Variants in FIP1L1 observed in about 807,000 individuals in gnomAD.
FIP1L1 encodes the protein factor interacting with PAPOLA and CPSF1, also known as pre-mRNA 3'-end-processing factor FIP1.
Under a neutral mutation model 84.6 loss-of-function variants are expected in FIP1L1, and 21 were observed. The ratio of observed to expected loss-of-function variants is 0.25; its 90% CI spans 0.18 to 0.36. The LOEUF is 0.36. Ranked by LOEUF, FIP1L1 falls within the 10% of genes least tolerant of loss-of-function variation. The probability of loss-of-function intolerance (pLI) is 1.00; values close to 1 mark genes in which losing one functional copy is unlikely to be tolerated. For missense variants in FIP1L1, 526 were observed against 751.1 expected (o/e 0.70, Z 3.50); for synonymous variants, 263 against 242.3 (o/e 1.09, Z -0.80).
chr4:53,396,693 C>T (rs900319618), intron 9 of FIP1L1, among the ~76,000 whole-genome samples: 1 of 152,196 alleles, frequency 6.6e-6, no homozygotes, highest in African/African-American at 2.4e-5. Flanking sequence ...CTTGAGCCAC[C>T]ACGCCCAGCC....
chr4:53,398,144 A>G (rs549078188), intron 9 of FIP1L1, among the ~76,000 whole-genome samples: 9 of 152,068 alleles, frequency 5.9e-5, no homozygotes, highest in East Asian at 1.9e-4. Context: ...TTGTGTTTCT[A>G]TCAGCTTCTG....
At chr4:53,445,231 C>G (rs1175380808) in intron 15 of FIP1L1, among the ~76,000 whole-genome samples, 2 of 152,138 alleles carry the variant, frequency 1.3e-5, no homozygotes, top group Non-Finnish European at 2.9e-5. Flanking sequence ...GCTACATTTA[C>G]ATTTGAAAAA....
At chr4:53,458,024 A>G (rs1190038897) in intron 16 of FIP1L1, among the ~76,000 whole-genome samples, 2 of 152,160 alleles carry the variant, frequency 1.3e-5, no homozygotes, top group Non-Finnish European at 2.9e-5. Flanking sequence ...GCCCACACAG[A>G]TGTAATTAGG....
chr4:53,418,585 T>C (rs532366844), intron 11 of FIP1L1, among the ~76,000 whole-genome samples: 70 of 152,218 alleles, frequency 4.6e-4, no homozygotes, highest in Non-Finnish European at 6.9e-4. Context: ...GTAATATGGA[T>C]GATTGCTGTA....
chr4:53,449,177 T>C (rs1775421687), intron 15 of FIP1L1, among the ~76,000 whole-genome samples: 1 of 152,036 alleles, frequency 6.6e-6, no homozygotes, highest in African/African-American at 2.4e-5. Flanking sequence ...AACAACATTA[T>C]AATGTCGAAG....
chr4:53,410,105 C>A (rs1756371883), intron 10 of FIP1L1, among the ~76,000 whole-genome samples: 1 of 152,220 alleles, frequency 6.6e-6, no homozygotes, highest in Non-Finnish European at 1.5e-5. Context: ...GAGCTGTAGA[C>A]CGGAGTTGTT....
At chr4:53,424,639 T>C (rs1048614407) in intron 11 of FIP1L1, among the ~76,000 whole-genome samples, 2 of 152,122 alleles carry the variant, frequency 1.3e-5, no homozygotes, top group Non-Finnish European at 2.9e-5. Flanking sequence ...GATGTGCTTT[T>C]TATAGGGCTG....
intron 9 of FIP1L1, among the ~76,000 whole-genome samples, chr4:53,395,432 G>A (rs938791219): frequency 2.6e-5 from 4 of 151,900 alleles, no homozygotes; most frequent in Admixed American, 2.6e-4. Context: ...CCTCCTTCCC[G>A]GTTTTTAATT....
chr4:53,459,620 A>C lies in FIP1L1; in HGVS notation c.*171A>C. The C allele has an allele frequency of 2.2e-6, 2 of 916,412 alleles. No homozygotes were observed. The highest frequency in any genetic ancestry group is 3.3e-6 in the Non-Finnish European group (2 of 599,304). 56.8% of individuals were successfully genotyped at this position (916,412 alleles called of 1,614,324 possible). A position where few individuals can be genotyped will look rare whatever the true frequency, so the allele number is the denominator to read the frequency against. On this transcript the variant is annotated 3_prime_UTR_variant, in exon 18 of 18. Coordinates refer to ENST00000337488, the MANE Select transcript of FIP1L1 (RefSeq NM_030917.4). Reference sequence around the variant, plus strand: ...AGTGAATTTTTCATGTTAAGTTAAAAATCTTTGTCTTGTACTATTTCAAAA... The same window carrying C: ...AGTGAATTTTTCATGTTAAGTTAAACATCTTTGTCTTGTACTATTTCAAAA...
At chr4:53,404,363 A>T (rs1752017907) in intron 10 of FIP1L1, among the ~76,000 whole-genome samples, 1 of 152,038 alleles carries the variant, frequency 6.6e-6, no homozygotes. Context: ...ATGGCTGCAT[A>T]GTATTCCATG....
At chr4:53,449,057 C>A (rs1775362789) in intron 15 of FIP1L1, among the ~76,000 whole-genome samples, 1 of 151,922 alleles carries the variant, frequency 6.6e-6, no homozygotes, top group South Asian at 2.1e-4. Context: ...CAGATAATGA[C>A]AGTTTTGCTC....
rs1750615797 is a variant in FIP1L1, at chr4:53,402,208, C to G, written c.815+2369C>G. On this transcript the variant is annotated intron_variant, in intron 10 of 17. Transcript: ENST00000337488. ...ATTGATGGTCATTGGTGATCCTGAC[C>G]AGGATCATTTTCATTTGTATAAAAT... is the stretch of plus-strand genomic sequence containing the variant. 2.6e-5 allele frequency among the ~76,000 whole-genome samples: 4 copies of G among 151,976 alleles called. 1 individual carries two copies. The South Asian group carries it at 8.3e-4, about 32-fold the overall frequency.
chr4:53,411,177 C>T (rs1757044855), intron 10 of FIP1L1, among the ~76,000 whole-genome samples: 1 of 151,972 alleles, frequency 6.6e-6, no homozygotes, highest in Non-Finnish European at 1.5e-5. Context: ...GGTACATGAG[C>T]ATTTACTTGA....
chr4:53,459,514 CT>C lies in FIP1L1; in HGVS notation c.*66del. The C allele has an allele frequency of 6.2e-7, 1 of 1,602,114 alleles. No homozygotes were observed. The highest frequency in any genetic ancestry group is 8.5e-7 in the Non-Finnish European group (1 of 1,172,024). On this transcript the variant is annotated 3_prime_UTR_variant, in exon 18 of 18. Transcript: ENST00000337488. ...AGATACTATAAATCTTGTTATTTTT[CT>C]GGATAATGTTTAAGAAATTTACCTT... is the stretch of plus-strand genomic sequence containing the variant.
At chr4:53,459,128 C>A (rs1721077057) in intron 17 of FIP1L1, among the ~76,000 whole-genome samples, 174 bp from the exon 18 acceptor site, 1 of 152,108 alleles carries the variant, frequency 6.6e-6, no homozygotes, top group Middle Eastern at 3.4e-3. Flanking sequence ...TAAATACAAT[C>A]CCTGCATAAA....
At chr4:53,455,488 T>C (rs545857744) in intron 16 of FIP1L1, among the ~76,000 whole-genome samples, 3 of 152,220 alleles carry the variant, frequency 2.0e-5, no homozygotes, top group African/African-American at 7.2e-5. Flanking sequence ...CATTTCAACA[T>C]TATTGTTTCT....
chr4:53,417,757 ACACACACTCTCTCT>A (rs1760298301), intron 11 of FIP1L1, among the ~76,000 whole-genome samples: 1 of 35,180 alleles, frequency 2.8e-5, no homozygotes, highest in East Asian at 7.8e-4. Flanking sequence ...ACACACACAC[ACACACACTCTCTCT>A]CTCTCTCTCT....
intron 14 of FIP1L1, among the ~76,000 whole-genome samples, 156 bp from the exon 15 acceptor site, chr4:53,443,890 ACC>A (rs112583429): frequency 6.6e-6 from 1 of 152,040 alleles, no homozygotes; most frequent in South Asian, 2.1e-4. Context: ...GTTAAAAAAA[ACC>A]CCATGTTTTA....
chr4:53,391,098 C>G lies in FIP1L1; in HGVS notation c.595C>G (p.Leu199Val). ...CEKQKRIRMG[L>V]EVIPVTSTTN... ...AAAACAAAAGAGGATACGAATGGGA[C>G]TTGAAGTTATACCAGTAACCTCTAC... is the stretch of plus-strand genomic sequence containing the variant. The change falls in exon 8 of 18, where the codon CTT becomes GTT. Residue 199 changes from leucine (L) to valine (V), a missense_variant. Leu to Val is a conservative substitution (Grantham distance 32). Coordinates refer to ENST00000337488, the MANE Select transcript of FIP1L1 (RefSeq NM_030917.4). 6.2e-7 allele frequency: 1 copy of G among 1,611,644 alleles called. No individual in the cohort carries two copies. The highest frequency in any genetic ancestry group is 8.5e-7 in the Non-Finnish European group (1 of 1,178,902).
Sources: gnomAD v4.1 joint callset for allele counts (sites outside exome capture counted in the v4.1 genomes callset) on GRCh38, gnomAD v4.1.1 for gene constraint, MANE v1.5 for transcripts, NCBI Gene and HGNC (gene_info 2026-07-23, HGNC 2026-07-21) for gene names.